The following CORIN variants were observed in gnomAD, a reference collection of about 807,000 sequenced individuals.
The protein encoded by CORIN is atrial natriuretic peptide-converting enzyme.
CORIN carries 117 observed loss-of-function variants against 125.3 expected under a neutral mutation model. The observed-to-expected ratio is 0.93, with a 90% CI of 0.80 to 1.09. The LOEUF (loss-of-function observed/expected upper bound fraction) is 1.09. Ranked by LOEUF, CORIN falls within the 50% of genes least tolerant of loss-of-function variation. The pLI is 0.00. For synonymous variants in CORIN, 450 were observed against 466.4 expected (o/e 0.96, Z 0.45); for missense variants, 1,253 against 1,306.7 (o/e 0.96, Z 0.63).
intron 19 of CORIN, among the ~76,000 whole-genome samples, chr4:47,613,237 G>C (rs190819276): frequency 1.3e-5 from 2 of 152,176 alleles, no homozygotes; most frequent in African/African-American, 2.4e-5. Flanking sequence ...GGCAGATCAC[G>C]AGGTCAGGAG....
chr4:47,731,317 T>C lies in CORIN; in HGVS notation c.799+13085A>G, dbSNP rs545008195. On this transcript the variant is annotated intron_variant, in intron 5 of 21. Transcript: ENST00000273857. ...TGTCTGCATGCTGCAAGCATACATA[T>C]GCATGCAGGTCCAGAGGTCAGAGGA... Among the ~76,000 whole-genome samples, 3 of 152,218 alleles carry C rather than the reference T, an allele frequency of 2.0e-5. No individual in the cohort carries two copies. The East Asian group carries it at 5.8e-4, about 29-fold the overall frequency.
intron 1 of CORIN, among the ~76,000 whole-genome samples, chr4:47,835,330 T>C (rs1201434067): frequency 1.3e-5 from 2 of 152,286 alleles, no homozygotes; most frequent in Non-Finnish European, 2.9e-5. Context: ...GAATAACTTA[T>C]TAGGTAGAAG....
intron 3 of CORIN, among the ~76,000 whole-genome samples, chr4:47,781,047 C>A (rs756166173): frequency 2.0e-5 from 3 of 148,886 alleles, no homozygotes; most frequent in African/African-American, 7.4e-5. Flanking sequence ...ATATAAAAAA[C>A]AAATAGCAAA....
intron 3 of CORIN, among the ~76,000 whole-genome samples, chr4:47,765,780 T>A (rs1729704454): frequency 6.6e-6 from 1 of 152,232 alleles, no homozygotes; most frequent in African/African-American, 2.4e-5. Context: ...TTGAGCACCT[T>A]TTCATATATT....
At chr4:47,637,999 T>C (rs897960925) in intron 16 of CORIN, among the ~76,000 whole-genome samples, 1 of 152,220 alleles carries the variant, frequency 6.6e-6, no homozygotes, top group Admixed American at 6.5e-5. Context: ...GGGGCAGAGC[T>C]GCCCAAGACC....
chr4:47,632,941 C>T (rs111862189), intron 16 of CORIN, among the ~76,000 whole-genome samples: 2,611 of 152,148 alleles, frequency 0.017, 92 homozygotes, highest in African/African-American at 0.06. Context: ...CGACCACGCC[C>T]GGCTAATTTT....
intron 11 of CORIN, 55 bp downstream of exon 11, chr4:47,664,977 C>T (rs1350309277): frequency 5.8e-6 from 7 of 1,210,442 alleles, no homozygotes; most frequent in East Asian, 2.4e-5. Flanking sequence ...AAGTCTTCAC[C>T]CCTTGGTTCT....
intron 19 of CORIN, among the ~76,000 whole-genome samples, chr4:47,614,937 A>T (rs901559783): frequency 6.6e-6 from 1 of 152,270 alleles, no homozygotes; most frequent in African/African-American, 2.4e-5. Context: ...GAAGTAAAAA[A>T]ATATATTTAT....
chr4:47,672,651 T>A (rs1335373155), intron 10 of CORIN, among the ~76,000 whole-genome samples: 1 of 152,122 alleles, frequency 6.6e-6, no homozygotes, highest in Non-Finnish European at 1.5e-5. Context: ...TATACACACA[T>A]ATATACACAT....
At chr4:47,831,864 C>T (rs12508132) in intron 1 of CORIN, among the ~76,000 whole-genome samples, 3,726 of 152,018 alleles carry the variant, frequency 0.025, 68 homozygotes, top group South Asian at 0.055. Context: ...TCCAATATGA[C>T]TGATGTTCTT....
At chr4:47,797,721 A>C (rs1157129186) in intron 2 of CORIN, among the ~76,000 whole-genome samples, 2 of 152,116 alleles carry the variant, frequency 1.3e-5, no homozygotes, top group African/African-American at 4.8e-5. Context: ...TCATAATCAA[A>C]TAAAACAAAT....
intron 4 of CORIN, among the ~76,000 whole-genome samples, chr4:47,759,978 T>C (rs1051844307): frequency 6.6e-6 from 1 of 152,232 alleles, no homozygotes; most frequent in African/African-American, 2.4e-5. Flanking sequence ...CAAATTCCTG[T>C]TAATGTTAAT....
At chr4:47,706,305 T>C (rs545945831) in intron 5 of CORIN, 2 of 1,173,320 alleles carry the variant, frequency 1.7e-6, no homozygotes, top group East Asian at 2.3e-5. Context: ...TGCTCTACTC[T>C]ATGGACTTTC....
intron 2 of CORIN, chr4:47,790,158 A>G: frequency 6.3e-6 from 6 of 949,812 alleles, no homozygotes; most frequent in Non-Finnish European, 7.5e-6. Context: ...TCCCATCTCT[A>G]CCACTTGCCC....
intron 13 of CORIN, among the ~76,000 whole-genome samples, chr4:47,649,075 G>A (rs886620709): frequency 5.9e-5 from 9 of 152,182 alleles, no homozygotes; most frequent in Admixed American, 2.6e-4. Context: ...ACCAGCACAG[G>A]CCATCCAGCC....
chr4:47,738,886 T>C (rs1264468509), intron 5 of CORIN, among the ~76,000 whole-genome samples: 4 of 151,724 alleles, frequency 2.6e-5, no homozygotes, highest in Non-Finnish European at 5.9e-5. Context: ...TATTTTAAAA[T>C]ATTAGAAATT....
At chr4:47,722,408 T>C (rs1046406077) in intron 5 of CORIN, among the ~76,000 whole-genome samples, 2 of 152,204 alleles carry the variant, frequency 1.3e-5, no homozygotes, top group African/African-American at 4.8e-5. Flanking sequence ...CAATGTTCCT[T>C]TTTTTCATCT....
At chr4:47,669,800 A>T (rs1724660505) in intron 10 of CORIN, among the ~76,000 whole-genome samples, 1 of 151,944 alleles carries the variant, frequency 6.6e-6, no homozygotes, top group South Asian at 2.1e-4. Context: ...CAATTTCCTG[A>T]CCTTGTGATC....
In CORIN at chr4:47,706,437, T is replaced by C. The variant is rs946759235; in HGVS notation, c.800-13354A>G. On this transcript the variant is annotated intron_variant, in intron 5 of 21. Transcript: ENST00000273857. ...AGCAGTCTGATGTCACGCGCTTTCT[T>C]CTGAGGGTCCGCTGCTGGCAGTACC... is the stretch of plus-strand genomic sequence containing the variant. 27 of 1,610,206 alleles carry C rather than the reference T, an allele frequency of 1.7e-5. No individual in the cohort carries two copies. The Middle Eastern group carries it at 7.2e-4, about 43-fold the overall frequency.
Sources: gnomAD v4.1 joint callset for allele counts (sites outside exome capture counted in the v4.1 genomes callset) on GRCh38, gnomAD v4.1.1 for gene constraint, MANE v1.5 for transcripts, NCBI Gene and HGNC (gene_info 2026-07-23, HGNC 2026-07-21) for gene names.